Variants in ROS1 observed in about 807,000 individuals in gnomAD.
ROS1 encodes the protein ROS proto-oncogene 1, receptor tyrosine kinase, also known as proto-oncogene tyrosine-protein kinase ROS.
Under a neutral mutation model 273.5 loss-of-function variants are expected in ROS1, and 263 were observed. The observed-to-expected ratio is 0.96, with a 90% confidence interval of 0.87 to 1.06. The LOEUF is 1.06. ROS1 is among the 50% of genes least tolerant of loss of function. The pLI is 0.00. For missense variants in ROS1, 2,833 were observed against 2,751.1 expected (o/e 1.03, Z -0.67); for synonymous variants, 1,008 against 954.1 (o/e 1.06, Z -1.04).
chr6:117,293,985 A>G (rs1017075177), intron 43 of ROS1, among the ~76,000 whole-genome samples: 4 of 152,238 alleles, frequency 2.6e-5, no homozygotes, highest in African/African-American at 7.2e-5. Flanking sequence ...CAGGTATGCA[A>G]GGATAGTTCA....
intron 18 of ROS1, among the ~76,000 whole-genome samples, chr6:117,373,849 A>G (rs1451850758): frequency 6.6e-6 from 1 of 152,244 alleles, no homozygotes; most frequent in East Asian, 1.9e-4. Flanking sequence ...CAGCACTGCT[A>G]TATACCAACA....
At chr6:117,330,928 C>T (rs1777037828) in intron 32 of ROS1, among the ~76,000 whole-genome samples, 1 of 152,176 alleles carries the variant, frequency 6.6e-6, no homozygotes, top group Admixed American at 6.5e-5. Context: ...GGCCAGAGTG[C>T]CTCTTCTCCT....
Position 117,356,812 on chromosome 6 carries a change from G to T in ROS1, c.3943C>A (p.Gln1315Lys). 1 of 1,614,074 alleles carries T rather than the reference G, an allele frequency of 6.2e-7. No individual in the cohort carries two copies. The highest frequency in any genetic ancestry group is 8.5e-7 in the Non-Finnish European group (1 of 1,180,008). Residue 1315 changes from glutamine (Q) to lysine (K), a missense_variant, in exon 26 of 44, where the codon CAA (glutamine) becomes AAA (lysine). Physicochemically the swap from Gln to Lys is moderately conservative, Grantham distance 53. Transcript: ENST00000368507. ...GAACATTGATTCCTTTTGTTTTGTT[G>T]GTTTGTAGCTGTGGGTTGCAGAATT... ...HRILQPTATN[Q>K]QNKRNQCSCN... is the part of the protein sequence containing the mutation.
intron 18 of ROS1, among the ~76,000 whole-genome samples, chr6:117,369,620 C>A (rs1472191579): frequency 6.6e-6 from 1 of 152,008 alleles, no homozygotes; most frequent in African/African-American, 2.4e-5. Flanking sequence ...ACAGAGAATG[C>A]AGAGAATGGA....
chr6:117,389,282 G>A (rs760907497), intron 13 of ROS1, 68 bp downstream of exon 13: 103 of 1,505,830 alleles, frequency 6.8e-5, no homozygotes, highest in Admixed American at 1.1e-4. Flanking sequence ...GAATCACAAC[G>A]CCAAGCAGTT....
At chr6:117,395,964 C>T (rs1219111068) in intron 9 of ROS1, among the ~76,000 whole-genome samples, 1 of 152,010 alleles carries the variant, frequency 6.6e-6, no homozygotes, top group African/African-American at 2.4e-5. Flanking sequence ...ATTTTTTATT[C>T]TGATTTTCAA....
intron 5 of ROS1, among the ~76,000 whole-genome samples, chr6:117,407,103 A>G (rs959378789): frequency 2.0e-5 from 3 of 152,218 alleles, no homozygotes; most frequent in Non-Finnish European, 4.4e-5. Context: ...ACCTCTCCAC[A>G]GAAACGTCTA....
Position 117,387,767 on chromosome 6 carries a change from A to T in ROS1, c.1999+13T>A, listed in dbSNP as rs1296852194. ...TGTGAGAGTCACTCCCTAAATCCAG[A>T]ACATTTTCTCACCTGGCACCAGGGT... On this transcript the variant is annotated intron_variant, in intron 14 of 43. Transcript: ENST00000368507. 1.2e-6 allele frequency: 2 copies of T among 1,608,344 alleles called. No homozygotes were observed. The highest frequency in any genetic ancestry group is 8.5e-7 in the Non-Finnish European group (1 of 1,177,952).
At chr6:117,369,532 C>T (rs917040009) in intron 18 of ROS1, among the ~76,000 whole-genome samples, 10 of 152,052 alleles carry the variant, frequency 6.6e-5, no homozygotes, top group Admixed American at 3.3e-4. Context: ...CGAGATCGCG[C>T]CACTGCACCA....
intron 43 of ROS1, among the ~76,000 whole-genome samples, chr6:117,295,747 C>T (rs565099759): frequency 1.1e-4 from 16 of 152,292 alleles, no homozygotes; most frequent in African/African-American, 3.6e-4. Flanking sequence ...AAGTGCTCAA[C>T]ATCATTGATC....
Position 117,361,733 on chromosome 6 carries a change from A to G in ROS1, c.3366+870T>C, listed in dbSNP as rs183449369. Among the ~76,000 whole-genome samples the G allele has an allele frequency of 3.4e-3, 515 of 151,954 alleles. 1 individual carries two copies. The highest frequency in any genetic ancestry group is 5.8e-3 in the Non-Finnish European group (395 of 67,900). On this transcript the variant is annotated intron_variant, in intron 22 of 43. Transcript: ENST00000368507. ...AACAAATTATCAAAATAATTATTAA[A>G]TTAGAATTTTATGAAAAGAAAAACA...
intron 34 of ROS1, among the ~76,000 whole-genome samples, chr6:117,324,763 TG>T (rs1278291702): frequency 6.6e-6 from 1 of 152,176 alleles, no homozygotes; most frequent in Non-Finnish European, 1.5e-5. Flanking sequence ...ATTATTATTT[TG>T]TATAATATCT....
intron 7 of ROS1, among the ~76,000 whole-genome samples, chr6:117,398,473 G>T (rs1773675405): frequency 6.6e-6 from 1 of 152,146 alleles, no homozygotes; most frequent in Non-Finnish European, 1.5e-5. Context: ...GAGGCCAGGA[G>T]TTCGAGATCA....
chr6:117,416,251 T>C lies in ROS1; in HGVS notation c.228+7A>G. The stretch of plus-strand genomic sequence containing the variant: ...AGTATCAAAATAGAAATCTAATTAA[T>C]ACTTACACACTTTAAAGCACAGTTT... On this transcript the variant is annotated splice_region_variant and intron_variant, in intron 3 of 43. Coordinates refer to ENST00000368507, the MANE Select transcript of ROS1 (RefSeq NM_001378902.1). The C allele has an allele frequency of 6.6e-7, 1 of 1,512,808 alleles. No individual in the cohort carries two copies. Among genetic ancestry groups the C allele is most frequent in the Non-Finnish European group, 9.2e-7 (1 of 1,087,964 alleles). The allele number at this position is 1,512,808 out of a possible 1,614,324, so 93.7% of individuals were successfully genotyped here.
intron 35 of ROS1, among the ~76,000 whole-genome samples, chr6:117,322,565 T>G (rs1447546789): frequency 6.6e-6 from 1 of 152,178 alleles, no homozygotes; most frequent in African/African-American, 2.4e-5. Flanking sequence ...CATTTTCCCC[T>G]ACTCCCAGCA....
chr6:117,394,853 G>T (rs1046682128), intron 9 of ROS1, 115 bp from the exon 10 acceptor site: 18 of 881,282 alleles, frequency 2.0e-5, no homozygotes, highest in Non-Finnish European at 2.8e-5. Flanking sequence ...GAAAGAGGCT[G>T]GTCAAATTTT....
intron 18 of ROS1, among the ~76,000 whole-genome samples, chr6:117,368,243 ATC>A (rs1232684089): frequency 6.6e-6 from 1 of 152,124 alleles, no homozygotes; most frequent in African/African-American, 2.4e-5. Context: ...AAAAAGAACT[ATC>A]TCAGTTATCC....
At position 117,342,495 on chromosome 6, in the gene ROS1, G is replaced by C. The variant is rs141763354; in HGVS notation, c.4556C>G (p.Thr1519Arg). ...ALIEDLQPFS[T>R]YMIQIAVKNY... Reference sequence around the variant, plus strand: ...TTTTACAGCTATCTGTATCATGTATGTTGAAAATGGTTGTAAATCTTCAAT... The same window carrying C: ...TTTTACAGCTATCTGTATCATGTATCTTGAAAATGGTTGTAAATCTTCAAT... Residue 1519 changes from threonine to arginine, a missense_variant, in exon 29 of 44, where the codon ACA becomes AGA. Thr to Arg is a moderately conservative substitution (Grantham distance 71). Transcript: ENST00000368507. 4.4e-6 allele frequency: 7 copies of C among 1,601,854 alleles called. No individual in the cohort carries two copies. In the African/African-American group the frequency reaches 9.4e-5, roughly 21 times the overall value.
intron 17 of ROS1, among the ~76,000 whole-genome samples, chr6:117,382,657 A>C (rs1018457267): frequency 3.9e-5 from 6 of 152,158 alleles, no homozygotes; most frequent in Non-Finnish European, 7.4e-5. Context: ...TTGCTTGTAA[A>C]AGCTGAGGAA....
Sources: gnomAD v4.1 joint callset for allele counts (sites outside exome capture counted in the v4.1 genomes callset) on GRCh38, gnomAD v4.1.1 for gene constraint, MANE v1.5 for transcripts, NCBI Gene and HGNC (gene_info 2026-07-23, HGNC 2026-07-21) for gene names.